The following SGCZ variants were observed in gnomAD, a reference collection of about 807,000 sequenced individuals.
SGCZ encodes the protein zeta-sarcoglycan.
SGCZ carries 40 observed loss-of-function variants against 41.3 expected under a neutral mutation model. The observed-to-expected ratio is 0.97, with a 90% CI of 0.75 to 1.26. SGCZ has a LOEUF of 1.26. Among genes scored for constraint, SGCZ ranks in the 50% most tolerant of loss-of-function variants. The probability of loss-of-function intolerance (pLI) is 0.00; values close to 1 mark genes in which losing one functional copy is unlikely to be tolerated. For synonymous variants in SGCZ, 206 were observed against 137.5 expected, an observed-to-expected ratio of 1.50 and a Z score of -3.49; for missense variants, 552 against 369.8, an observed-to-expected ratio of 1.49 and a Z score of -4.04.
At chr8:14,737,040 G>T (rs1429202091) in intron 1 of SGCZ, among the ~76,000 whole-genome samples, 1 of 149,642 alleles carries the variant, frequency 6.7e-6, no homozygotes, top group East Asian at 2.0e-4. Context: ...TTATATACCA[G>T]ACATATAGCT....
At chr8:14,169,918 T>C (rs562985072) in intron 4 of SGCZ, among the ~76,000 whole-genome samples, 2 of 152,224 alleles carry the variant, frequency 1.3e-5, no homozygotes, top group Admixed American at 6.5e-5. Context: ...GAGACCAGCA[T>C]AGAAAGACAC....
intron 3 of SGCZ, among the ~76,000 whole-genome samples, chr8:14,251,660 GTTT>G (rs1799290831): frequency 6.6e-6 from 1 of 152,006 alleles, no homozygotes; most frequent in Non-Finnish European, 1.5e-5. Context: ...TAAAAACATT[GTTT>G]TTAATAATTT....
intron 4 of SGCZ, among the ~76,000 whole-genome samples, chr8:14,223,086 A>G (rs889576451): frequency 5.3e-5 from 8 of 152,030 alleles, no homozygotes; most frequent in African/African-American, 1.9e-4. Flanking sequence ...CTGGGATTAC[A>G]TGATTGAGCC....
intron 1 of SGCZ, among the ~76,000 whole-genome samples, chr8:14,569,370 A>G (rs1399712210): frequency 6.6e-6 from 1 of 152,182 alleles, no homozygotes; most frequent in East Asian, 1.9e-4. Context: ...TTACTGTTTC[A>G]GGATTTCTGT....
At chr8:15,117,219 C>T (rs896888706) in intron 1 of SGCZ, among the ~76,000 whole-genome samples, 2 of 151,976 alleles carry the variant, frequency 1.3e-5, no homozygotes, top group Non-Finnish European at 2.9e-5. Context: ...ATTAGCTGGG[C>T]GCGGTAGCAG....
intron 2 of SGCZ, among the ~76,000 whole-genome samples, chr8:14,364,541 A>T (rs1472818154): frequency 6.6e-6 from 1 of 151,962 alleles, no homozygotes; most frequent in Non-Finnish European, 1.5e-5. Flanking sequence ...TTTCTTTCTA[A>T]TCCATGCCAA....
rs2117308642 is a variant in SGCZ, at chr8:14,422,083, T to G, written c.235-97879A>C. Among the ~76,000 whole-genome samples, 4 of 152,288 alleles carry G rather than the reference T, an allele frequency of 2.6e-5. No homozygotes were observed. In the South Asian group the frequency reaches 8.3e-4, roughly 32 times the overall value. ...CCTTGATATCTAAACAAATGCAAAG[T>G]CTTAACAAATGTGGTTTTAACAGTG... On this transcript the variant is annotated intron_variant, in intron 2 of 7. Transcript: ENST00000382080.
At position 14,678,550 on chromosome 8, in the gene SGCZ, G is replaced by C. The variant is rs1003663278; in HGVS notation, c.40-123624C>G. On this transcript the variant is annotated intron_variant, in intron 1 of 7. Transcript: ENST00000382080. Reference sequence around the variant, plus strand: ...ATTGACAACACCAAATGCTAGTAAGGATGTGGCGCAAAAGCAATTCTCATC... The same window carrying C: ...ATTGACAACACCAAATGCTAGTAAGCATGTGGCGCAAAAGCAATTCTCATC... 3.3e-5 allele frequency among the ~76,000 whole-genome samples: 5 copies of C among 152,300 alleles called. No individual in the cohort carries two copies. In the South Asian group the frequency reaches 1.0e-3, roughly 32 times the overall value.
At chr8:14,984,314 ACATAGAAC>A (rs1375217223) in intron 1 of SGCZ, among the ~76,000 whole-genome samples, 1 of 152,220 alleles carries the variant, frequency 6.6e-6, no homozygotes, top group African/African-American at 2.4e-5. Context: ...CTATTATTAT[ACATAGAAC>A]CATAAAAACT....
chr8:15,198,456 A>T (rs1024765303), intron 1 of SGCZ, among the ~76,000 whole-genome samples: 1 of 152,196 alleles, frequency 6.6e-6, no homozygotes, highest in Non-Finnish European at 1.5e-5. Context: ...ATAAGAAGCT[A>T]TTGAAAATTT....
At chr8:14,487,114 A>T (rs1398921024) in intron 2 of SGCZ, among the ~76,000 whole-genome samples, 1 of 152,154 alleles carries the variant, frequency 6.6e-6, no homozygotes, top group African/African-American at 2.4e-5. Flanking sequence ...TCCATAATGG[A>T]ATCATTTGCC....
At chr8:15,002,454 C>A (rs1056323573) in intron 1 of SGCZ, among the ~76,000 whole-genome samples, 13 of 152,122 alleles carry the variant, frequency 8.5e-5, no homozygotes, top group African/African-American at 3.1e-4. Context: ...AGGAGAAGAG[C>A]TGTCAGACAC....
intron 2 of SGCZ, among the ~76,000 whole-genome samples, chr8:14,422,311 G>C (rs1041402378): frequency 1.3e-5 from 2 of 152,124 alleles, no homozygotes; most frequent in African/African-American, 2.4e-5. Context: ...AGTAGAATCT[G>C]TTAGGATATT....
chr8:14,976,001 C>CACAT (rs1554531597), intron 1 of SGCZ, among the ~76,000 whole-genome samples: 180 of 140,176 alleles, frequency 1.3e-3, no homozygotes, highest in Non-Finnish European at 2.4e-3. Context: ...TATATATATA[C>CACAT]ATATATATAT....
At chr8:14,556,957 G>C (rs1220071014) in intron 1 of SGCZ, among the ~76,000 whole-genome samples, 2 of 152,050 alleles carry the variant, frequency 1.3e-5, no homozygotes, top group Non-Finnish European at 2.9e-5. Flanking sequence ...TCAGTAGTGG[G>C]ATTGCTAGAT....
At chr8:15,234,937 T>C (rs1028515143) in intron 1 of SGCZ, among the ~76,000 whole-genome samples, 4 of 152,214 alleles carry the variant, frequency 2.6e-5, no homozygotes, top group African/African-American at 9.6e-5. Context: ...CATTTATTTA[T>C]GTATCAAACC....
At chr8:14,229,481 T>G (rs1036256848) in intron 4 of SGCZ, among the ~76,000 whole-genome samples, 2 of 152,078 alleles carry the variant, frequency 1.3e-5, no homozygotes, top group Non-Finnish European at 2.9e-5. Flanking sequence ...TAACATGAAT[T>G]AACTAATAAT....
chr8:14,559,302 G>A (rs1284095122), intron 1 of SGCZ, among the ~76,000 whole-genome samples: 1 of 152,054 alleles, frequency 6.6e-6, no homozygotes, highest in African/African-American at 2.4e-5. Context: ...CAAAACTAAT[G>A]TACACAAATC....
intron 1 of SGCZ, among the ~76,000 whole-genome samples, chr8:14,596,077 T>G (rs958764792): frequency 2.0e-5 from 3 of 152,234 alleles, no homozygotes; most frequent in Admixed American, 1.3e-4. Flanking sequence ...ATAGATGGAC[T>G]TTGAATCCTC....
Sources: gnomAD v4.1 joint callset for allele counts (sites outside exome capture counted in the v4.1 genomes callset) on GRCh38, gnomAD v4.1.1 for gene constraint, MANE v1.5 for transcripts, NCBI Gene and HGNC (gene_info 2026-07-23, HGNC 2026-07-21) for gene names.